The following ROBO1 variants were observed in gnomAD, a reference collection of about 807,000 sequenced individuals.
ROBO1 encodes roundabout homolog 1.
Under a neutral mutation model 195.9 loss-of-function variants are expected in ROBO1, and 149 were observed. The ratio of observed to expected loss-of-function variants is 0.76; its 90% CI spans 0.67 to 0.87. ROBO1 has a LOEUF of 0.87. Ranked by LOEUF, ROBO1 falls within the 40% of genes least tolerant of loss-of-function variation. ROBO1 has a pLI of 0.00. For synonymous variants in ROBO1, 816 were observed against 733.2 expected, an observed-to-expected ratio of 1.11 and a Z score of -1.82; for missense variants, 1,933 against 2,068.3, an observed-to-expected ratio of 0.93 and a Z score of 1.27.
intron 2 of ROBO1, among the ~76,000 whole-genome samples, chr3:79,227,021 C>T (rs1379483240): frequency 4.6e-5 from 7 of 152,182 alleles, no homozygotes; most frequent in Non-Finnish European, 1.0e-4. Flanking sequence ...ACCTTCTCAA[C>T]GTGATTCAAC....
At chr3:79,209,622 A>G (rs1220035208) in intron 2 of ROBO1, among the ~76,000 whole-genome samples, 1 of 152,122 alleles carries the variant, frequency 6.6e-6, no homozygotes, top group African/African-American at 2.4e-5. Context: ...TCTCATCAGC[A>G]GTGTAGAAGA....
chr3:79,339,330 T>A (rs2109215958), intron 2 of ROBO1, among the ~76,000 whole-genome samples: 1 of 152,326 alleles, frequency 6.6e-6, no homozygotes, highest in African/African-American at 2.4e-5. Context: ...CGTAAGAGCC[T>A]GCTTGATCTT....
intron 1 of ROBO1, among the ~76,000 whole-genome samples, chr3:79,695,423 A>G (rs1316837017): frequency 6.6e-6 from 1 of 151,540 alleles, no homozygotes; most frequent in Non-Finnish European, 1.5e-5. Context: ...CTTTACTTTG[A>G]ATTTTGATTT....
intron 2 of ROBO1, among the ~76,000 whole-genome samples, chr3:79,384,583 A>C (rs992645182): frequency 1.8e-4 from 28 of 152,006 alleles, no homozygotes; most frequent in Non-Finnish European, 8.8e-5. Context: ...TTTTATTATA[A>C]GGTAGATGAG....
At chr3:79,183,040 C>T (rs1277437350) in intron 2 of ROBO1, among the ~76,000 whole-genome samples, 1 of 145,774 alleles carries the variant, frequency 6.9e-6, no homozygotes, top group Non-Finnish European at 1.5e-5. Flanking sequence ...GAGATCGCGC[C>T]GCTGCACTCT....
At chr3:79,346,023 C>T (rs1187765245) in intron 2 of ROBO1, among the ~76,000 whole-genome samples, 2 of 151,972 alleles carry the variant, frequency 1.3e-5, no homozygotes, top group Non-Finnish European at 2.9e-5. Flanking sequence ...GAGGATAATT[C>T]GTAGGTCAAG....
At chr3:79,065,958 G>A (rs977702001) in intron 3 of ROBO1, among the ~76,000 whole-genome samples, 1 of 151,842 alleles carries the variant, frequency 6.6e-6, no homozygotes, top group African/African-American at 2.4e-5. Flanking sequence ...GATGAATTTA[G>A]GCAGCTAACA....
At chr3:78,782,411 G>A (rs2083705137) in intron 4 of ROBO1, among the ~76,000 whole-genome samples, 1 of 152,020 alleles carries the variant, frequency 6.6e-6, no homozygotes, top group Admixed American at 6.6e-5. Context: ...TGGCCAGGCT[G>A]GTCTTGAACT....
intron 2 of ROBO1, among the ~76,000 whole-genome samples, chr3:79,249,690 T>C (rs1485657404): frequency 6.6e-6 from 1 of 152,184 alleles, no homozygotes; most frequent in East Asian, 1.9e-4. Context: ...GTTTGTAACC[T>C]AGAAGAAGAG....
At chr3:79,557,837 G>A (rs943536662) in intron 2 of ROBO1, among the ~76,000 whole-genome samples, 5 of 149,946 alleles carry the variant, frequency 3.3e-5, no homozygotes, top group African/African-American at 4.9e-5. Context: ...TTTTTGCTAC[G>A]AAAGATTGCT....
intron 4 of ROBO1, among the ~76,000 whole-genome samples, chr3:78,917,396 T>C: frequency 6.6e-6 from 1 of 152,154 alleles, no homozygotes; most frequent in African/African-American, 2.4e-5. Flanking sequence ...TAAAGTATTT[T>C]ATTAACAGGG....
intron 2 of ROBO1, among the ~76,000 whole-genome samples, chr3:79,361,186 GT>G (rs1048518956): frequency 1.3e-5 from 2 of 151,934 alleles, no homozygotes; most frequent in Non-Finnish European, 2.9e-5. Context: ...TATTTTTAAT[GT>G]TTTTTGATAT....
At chr3:79,606,171 A>G (rs72907825) in intron 1 of ROBO1, among the ~76,000 whole-genome samples, 9,593 of 151,822 alleles carry the variant, frequency 0.063, 903 homozygotes, top group African/African-American at 0.21. Flanking sequence ...AAAAATCCAA[A>G]TGCAATGCGC....
At chr3:79,522,600 A>T (rs570671692) in intron 2 of ROBO1, among the ~76,000 whole-genome samples, 2 of 152,234 alleles carry the variant, frequency 1.3e-5, no homozygotes, top group African/African-American at 4.8e-5. Context: ...TGTATCCTTG[A>T]TACCTACTGG....
intron 2 of ROBO1, among the ~76,000 whole-genome samples, chr3:79,282,826 C>A (rs1033372338): frequency 6.6e-6 from 1 of 151,862 alleles, no homozygotes; most frequent in Non-Finnish European, 1.5e-5. Context: ...AATTTAAAGC[C>A]GTAAAACCAG....
At chr3:79,389,554 T>A (rs1575761633) in intron 2 of ROBO1, among the ~76,000 whole-genome samples, 1 of 152,040 alleles carries the variant, frequency 6.6e-6, no homozygotes, top group African/African-American at 2.4e-5. Flanking sequence ...AATAATAAGA[T>A]TCAAAAAGAG....
chr3:79,156,897 C>T (rs1559700063), intron 2 of ROBO1, among the ~76,000 whole-genome samples: 2 of 151,698 alleles, frequency 1.3e-5, no homozygotes, highest in African/African-American at 2.4e-5. Context: ...TTGTGTTTTA[C>T]TAATAGTTCC....
chr3:79,051,144 A>C (rs1196407399), intron 3 of ROBO1, among the ~76,000 whole-genome samples: 1 of 152,156 alleles, frequency 6.6e-6, no homozygotes, highest in Admixed American at 6.6e-5. Flanking sequence ...AAGATCAAAA[A>C]ACACATAGAC....
intron 2 of ROBO1, among the ~76,000 whole-genome samples, chr3:79,284,888 A>T (rs1028310989): frequency 6.6e-6 from 1 of 152,144 alleles, no homozygotes; most frequent in Admixed American, 6.5e-5. Flanking sequence ...TAACTTAATT[A>T]TTACTCAAAA....
Sources: gnomAD v4.1 joint callset for allele counts (sites outside exome capture counted in the v4.1 genomes callset) on GRCh38, gnomAD v4.1.1 for gene constraint, MANE v1.5 for transcripts, NCBI Gene and HGNC (gene_info 2026-07-23, HGNC 2026-07-21) for gene names.